Variants in ARSF observed in about 807,000 individuals in gnomAD.
ARSF encodes the protein arylsulfatase F.
A neutral mutation model predicts 35.4 loss-of-function variants in ARSF; 33 were observed. That is an observed-to-expected ratio of 0.93 (90% CI 0.71 to 1.25). The LOEUF is 1.25. Ranked by LOEUF, ARSF falls within the 50% of genes most tolerant of loss-of-function variation. The pLI, the probability that ARSF is intolerant of heterozygous loss-of-function variation, is 0.00. For synonymous variants in ARSF, 222 were observed against 193.1 expected (o/e 1.15, Z -1.24); for missense variants, 501 against 480.2 (o/e 1.04, Z -0.40).
upstream of ARSF, among the ~76,000 whole-genome samples, chrX:3,041,110 C>T (rs773434719): frequency 5.4e-5 from 6 of 110,504 alleles, no homozygotes; most frequent in Admixed American, 9.7e-5. Context: ...AAACAAGAAG[C>T]TTCCTGTTAC....
chrX:3,110,061 C>A (rs765314915), intron 9 of ARSF, 67 bp from the exon 10 acceptor site: 508 of 1,047,296 alleles, frequency 4.9e-4, no homozygotes, highest in Non-Finnish European at 5.9e-4. Flanking sequence ...AAGTACCCTT[C>A]AGGTAGCTTG....
chrX:3,095,465 T>G (rs1479894440), intron 7 of ARSF, among the ~76,000 whole-genome samples: 1 of 108,599 alleles, frequency 9.2e-6, no homozygotes, highest in Non-Finnish European at 1.9e-5. Context: ...TATTAGATTT[T>G]AATATATTAT....
rs750271063 is a variant in ARSF, at chrX:3,112,192, C to T, written c.1409C>T (p.Ala470Val). The T allele has an allele frequency of 1.7e-6, 2 of 1,207,546 alleles. No individual in the cohort carries two copies. The highest frequency in any genetic ancestry group is 2.2e-5 in the Admixed American group (1 of 45,757). ...PKDDSGSVWK[A>V]HYVTPVFQPP... is the part of the protein sequence containing the mutation. ...CCTCCAGGTGGGTCAGTTTGGAAGG[C>T]TCACTATGTGACCCCGGTATTCCAG... Residue 470 changes from alanine (A) to valine (V), a missense_variant, in exon 11 of 11, where the codon GCT becomes GTT. Transcript: ENST00000381127.
rs2090373654 is a variant in ARSF at position 3,101,141 on chromosome X, A to G, written c.1022A>G (p.Tyr341Cys). 1.7e-6 allele frequency: 2 copies of G among 1,209,097 alleles called. No homozygotes were observed. The highest frequency in any genetic ancestry group is 2.2e-6 in the Non-Finnish European group (2 of 894,784). ...DFGLRNNTLV[Y>C]FTSDHGGHLE... The stretch of plus-strand genomic sequence containing the variant: ...GGCCTAAGGAACAACACCCTTGTCT[A>G]CTTTACATCAGATCACGGAGGGCAT... The change falls in exon 8 of 11, where the codon TAC becomes TGC. Residue 341 changes from tyrosine (Y) to cysteine (C), a missense_variant. By Grantham distance (194) the Tyr-to-Cys change is radical. Transcript: ENST00000381127.
chrX:3,073,631 T>C (rs1382197074), intron 3 of ARSF, among the ~76,000 whole-genome samples: 1 of 101,219 alleles, frequency 9.9e-6, no homozygotes, highest in Non-Finnish European at 2.0e-5. Context: ...TAAATATATT[T>C]ATAAATAAAA....
chrX:3,063,923 T>G (rs1426479947), intron 1 of ARSF, among the ~76,000 whole-genome samples: 1 of 111,888 alleles, frequency 8.9e-6, no homozygotes, highest in African/African-American at 3.3e-5. Context: ...AAGCTACCAA[T>G]GACTTTCTTC....
chrX:3,084,188 TGCTGG>T, intron 5 of ARSF, 50 bp from the exon 6 acceptor site: 1 of 1,153,228 alleles, frequency 8.7e-7, no homozygotes, highest in Admixed American at 2.2e-5. Flanking sequence ...TTTTGCAATG[TGCTGG>T]CATATGTTGA....
At chrX:3,108,647 T>G (rs2090424742) in intron 9 of ARSF, among the ~76,000 whole-genome samples, 1 of 112,352 alleles carries the variant, frequency 8.9e-6, no homozygotes, top group Non-Finnish European at 1.9e-5. Context: ...TACTCATTAT[T>G]TCCGGCAGTT....
chrX:3,111,930 C>G (rs141523925), intron 10 of ARSF, among the ~76,000 whole-genome samples: 43 of 110,649 alleles, frequency 3.9e-4, no homozygotes, highest in Admixed American at 9.7e-5. Flanking sequence ...CCACTGATAT[C>G]TGACAGGAGG....
chrX:3,075,100 A>G (rs1055654552), intron 3 of ARSF, among the ~76,000 whole-genome samples: 15 of 112,191 alleles, frequency 1.3e-4, no homozygotes, highest in Non-Finnish European at 2.4e-4. Flanking sequence ...CTATCAAACC[A>G]GTGAGTGGGT....
At chrX:3,109,883 C>T (rs1217566775) in intron 9 of ARSF, among the ~76,000 whole-genome samples, 3 of 112,145 alleles carry the variant, frequency 2.7e-5, no homozygotes, top group Admixed American at 1.9e-4. Context: ...CTGATCTTTT[C>T]GCCTTTGGGG....
At chrX:3,100,230 A>G (rs2090366417) in intron 7 of ARSF, among the ~76,000 whole-genome samples, 1 of 112,417 alleles carries the variant, frequency 8.9e-6, no homozygotes, top group Non-Finnish European at 1.9e-5. Context: ...TATCTAAATC[A>G]TCTGCAAGAA....
At chrX:3,051,033 A>G (rs1016701108) in intron 1 of ARSF, among the ~76,000 whole-genome samples, 27 of 111,341 alleles carry the variant, frequency 2.4e-4, no homozygotes, top group African/African-American at 8.5e-4. Flanking sequence ...AGACAGTTTA[A>G]TAACCGCCTG....
chrX:3,094,014 A>G (rs2090321884), intron 7 of ARSF, among the ~76,000 whole-genome samples: 1 of 112,061 alleles, frequency 8.9e-6, no homozygotes, highest in Non-Finnish European at 1.9e-5. Flanking sequence ...AAGTAATGAC[A>G]AAGACCTCAA....
At chrX:3,049,648 A>G (rs1393715950) in intron 1 of ARSF, among the ~76,000 whole-genome samples, 1 of 111,162 alleles carries the variant, frequency 9.0e-6, no homozygotes, top group Non-Finnish European at 1.9e-5. Context: ...TTTTGTCTCC[A>G]TAGCTGTCTT....
intron 7 of ARSF, among the ~76,000 whole-genome samples, chrX:3,099,734 A>G (rs2090362956): frequency 1.8e-5 from 2 of 112,160 alleles, no homozygotes; most frequent in South Asian, 3.7e-4. Context: ...GATGAAGCCA[A>G]TATTTTGGTT....
intron 10 of ARSF, among the ~76,000 whole-genome samples, chrX:3,111,929 T>C (rs1053401069): frequency 3.6e-5 from 4 of 110,650 alleles, no homozygotes; most frequent in South Asian, 3.9e-4. Context: ...GCCACTGATA[T>C]CTGACAGGAG....
chrX:3,041,502 G>A lies in ARSF; in HGVS notation c.-190G>A, dbSNP rs746286805. The A allele has an allele frequency of 9.1e-6, 1 of 110,205 alleles. No homozygotes were observed. Among genetic ancestry groups the A allele is most frequent in the Non-Finnish European group, 1.9e-5 (1 of 52,856 alleles). The allele number at this position is 110,205 out of a possible 1,213,427, so 9.1% of individuals were successfully genotyped here. A position where few individuals can be genotyped will look rare whatever the true frequency, so the allele number is the denominator to read the frequency against. ...GACAGGCTCTCACCATGTTGACCAG[G>A]CTGGTCTCGAACTCCCGACCTCAAG... On this transcript the variant is annotated 5_prime_UTR_variant, in exon 1 of 11. Transcript: ENST00000381127.
chrX:3,091,396 C>G (rs2090289083), intron 7 of ARSF, among the ~76,000 whole-genome samples: 1 of 112,315 alleles, frequency 8.9e-6, no homozygotes, highest in Non-Finnish European at 1.9e-5. Flanking sequence ...ATGGGACGTC[C>G]TAGGACTTAC....
Sources: allele counts gnomAD v4.1 joint callset (sites outside exome capture counted in the v4.1 genomes callset), GRCh38; gene constraint gnomAD v4.1.1; transcripts MANE v1.5; gene names NCBI Gene and HGNC (gene_info 2026-07-23, HGNC 2026-07-21).